Variants in TRDN observed in about 807,000 individuals in gnomAD.
TRDN encodes the protein triadin, also known as triadin in skeletal muscle.
TRDN carries 161 observed loss-of-function variants against 149.7 expected under a neutral mutation model. That is an observed-to-expected ratio of 1.08 (90% confidence interval 0.95 to 1.23). The LOEUF (loss-of-function observed/expected upper bound fraction) is 1.23, where lower values mean the gene tolerates loss of function less well. Among genes scored for constraint, TRDN ranks in the 50% most tolerant of loss-of-function variants. The probability of loss-of-function intolerance (pLI) is 0.00; values close to 1 mark genes in which losing one functional copy is unlikely to be tolerated. For synonymous variants in TRDN, 294 were observed against 250.5 expected, an observed-to-expected ratio of 1.17 and a Z score of -1.64; for missense variants, 896 against 823.5, an observed-to-expected ratio of 1.09 and a Z score of -1.08.
At chr6:123,261,726 A>G (rs1434086151) in intron 33 of TRDN, among the ~76,000 whole-genome samples, 1 of 151,876 alleles carries the variant, frequency 6.6e-6, no homozygotes, top group Non-Finnish European at 1.5e-5. Context: ...ACAATAAATA[A>G]TGTTTCATAA....
At chr6:123,584,106 A>G (rs935756844) in intron 1 of TRDN, among the ~76,000 whole-genome samples, 6 of 152,070 alleles carry the variant, frequency 3.9e-5, no homozygotes, top group African/African-American at 1.2e-4. Flanking sequence ...AAATGGGGTG[A>G]ATGTCAGGAG....
intron 12 of TRDN, among the ~76,000 whole-genome samples, chr6:123,424,635 TG>T (rs1774041874): frequency 6.6e-6 from 1 of 152,174 alleles, no homozygotes; most frequent in South Asian, 2.1e-4. Flanking sequence ...TGAGTTCTAT[TG>T]GAAATGGAAG....
At chr6:123,456,856 G>C in intron 10 of TRDN, 1 of 455,972 alleles carries the variant, frequency 2.2e-6, no homozygotes, top group Non-Finnish European at 4.4e-6. Context: ...ATTCTAGAGA[G>C]GGAAAGGATG....
At chr6:123,608,975 C>A (rs1480953552) in intron 1 of TRDN, among the ~76,000 whole-genome samples, 3 of 151,996 alleles carry the variant, frequency 2.0e-5, no homozygotes, top group South Asian at 4.2e-4. Context: ...GAGGTCATGA[C>A]CAGCCTGGCC....
chr6:123,393,284 T>A (rs1296849660), intron 13 of TRDN, among the ~76,000 whole-genome samples: 1 of 152,114 alleles, frequency 6.6e-6, no homozygotes, highest in Non-Finnish European at 1.5e-5. Context: ...CTGAAAATTA[T>A]AGAAAAGTGT....
intron 6 of TRDN, among the ~76,000 whole-genome samples, chr6:123,514,661 CACAT>C (rs1483571212): frequency 1.3e-5 from 2 of 151,506 alleles, no homozygotes; most frequent in African/African-American, 2.4e-5. Context: ...CACACACACA[CACAT>C]ATCATTAGGA....
chr6:123,498,868 C>T (rs1027928730), intron 8 of TRDN, among the ~76,000 whole-genome samples: 1 of 152,158 alleles, frequency 6.6e-6, no homozygotes, highest in Admixed American at 6.5e-5. Flanking sequence ...AGTGACTGTA[C>T]TCTTTTTAGA....
chr6:123,512,122 G>T (rs1779213090), intron 7 of TRDN, among the ~76,000 whole-genome samples, 181 bp downstream of exon 7: 1 of 151,612 alleles, frequency 6.6e-6, no homozygotes, highest in South Asian at 2.1e-4. Flanking sequence ...CACATTATGA[G>T]ATTCTCTATT....
chr6:123,306,832 T>C (rs9285451), intron 24 of TRDN, among the ~76,000 whole-genome samples: 1 of 151,904 alleles, frequency 6.6e-6, no homozygotes, highest in Non-Finnish European at 1.5e-5. Context: ...AAAATTGTCT[T>C]TATATCTTTA....
At chr6:123,299,066 ATGCTTTAAT>A (rs1219595085) in intron 24 of TRDN, among the ~76,000 whole-genome samples, 2 of 152,036 alleles carry the variant, frequency 1.3e-5, no homozygotes, top group African/African-American at 4.8e-5. Context: ...CTGGCACAGC[ATGCTTTAAT>A]TGTTAAGATT....
chr6:123,327,270 A>C (rs1332612065), intron 23 of TRDN, among the ~76,000 whole-genome samples: 1 of 152,028 alleles, frequency 6.6e-6, no homozygotes, highest in Non-Finnish European at 1.5e-5. Context: ...ATTTTAATTA[A>C]AGCAATTCTA....
chr6:123,635,055 T>C (rs1786227784), intron 1 of TRDN, among the ~76,000 whole-genome samples: 1 of 151,898 alleles, frequency 6.6e-6, no homozygotes, highest in Admixed American at 6.6e-5. Flanking sequence ...AAGCCCAAGA[T>C]GGTTTAGTCA....
At chr6:123,375,853 A>T (rs1227075215) in intron 18 of TRDN, among the ~76,000 whole-genome samples, 1 of 152,118 alleles carries the variant, frequency 6.6e-6, no homozygotes. Flanking sequence ...TTTGTTATTC[A>T]TACTTCTCCC....
intron 8 of TRDN, chr6:123,502,478 T>A (rs9388251): frequency 0.38 from 318,582 of 835,414 alleles, 61,385 homozygotes; most frequent in East Asian, 0.62. Context: ...AAAGAAAAAA[T>A]CTTTCCTTTT....
At chr6:123,289,593 C>G (rs1777926360) in intron 24 of TRDN, among the ~76,000 whole-genome samples, 1 of 152,114 alleles carries the variant, frequency 6.6e-6, no homozygotes, top group African/African-American at 2.4e-5. Flanking sequence ...TGACAACACT[C>G]AGGAGTTACT....
At chr6:123,266,416 AGAT>A (rs1207046552) in intron 32 of TRDN, among the ~76,000 whole-genome samples, 2 of 92,048 alleles carry the variant, frequency 2.2e-5, no homozygotes, top group African/African-American at 8.0e-5. Flanking sequence ...TATAATATAT[AGAT>A]TATGATATGT....
intron 38 of TRDN, among the ~76,000 whole-genome samples, chr6:123,244,229 C>T (rs1337394408): frequency 1.3e-5 from 2 of 152,102 alleles, no homozygotes; most frequent in African/African-American, 4.8e-5. Context: ...GGGAACAAAA[C>T]TGGACAGAAA....
chr6:123,542,036 A>C (rs1353445106), intron 4 of TRDN, among the ~76,000 whole-genome samples: 1 of 152,212 alleles, frequency 6.6e-6, no homozygotes, highest in Non-Finnish European at 1.5e-5. Flanking sequence ...TAATAAAGTA[A>C]GAAAAATACA....
chr6:123,532,088 T>C (rs1780277911), intron 4 of TRDN, among the ~76,000 whole-genome samples: 1 of 151,990 alleles, frequency 6.6e-6, no homozygotes, highest in South Asian at 2.1e-4. Context: ...ACCTATACTA[T>C]CCAATGCAGT....
Sources: gnomAD v4.1 joint callset for allele counts (sites outside exome capture counted in the v4.1 genomes callset) on GRCh38, gnomAD v4.1.1 for gene constraint, MANE v1.5 for transcripts, NCBI Gene and HGNC (gene_info 2026-07-23, HGNC 2026-07-21) for gene names.